The following CPNE8 variants were observed in gnomAD, a reference collection of about 807,000 sequenced individuals.
CPNE8 encodes copine-8.
Under a neutral mutation model 81.5 loss-of-function variants are expected in CPNE8, and 45 were observed. The observed-to-expected ratio is 0.55, with a 90% CI of 0.44 to 0.71. The LOEUF (loss-of-function observed/expected upper bound fraction) is 0.71. Ranked by LOEUF, CPNE8 falls within the 30% of genes least tolerant of loss-of-function variation. The probability of loss-of-function intolerance (pLI) is 0.00; values close to 1 mark genes in which losing one functional copy is unlikely to be tolerated. For missense variants in CPNE8, 594 were observed against 672.1 expected (o/e 0.88, Z 1.28); for synonymous variants, 252 against 226.3 (o/e 1.11, Z -1.02).
intron 14 of CPNE8, 79 bp downstream of exon 14, chr12:38,702,796 A>T: frequency 1.2e-6 from 1 of 846,484 alleles, no homozygotes; most frequent in Non-Finnish European, 1.8e-6. Flanking sequence ...ATAGAAATAA[A>T]TTAACACTTA....
chr12:38,762,941 C>T lies in CPNE8; in HGVS notation c.576-725G>A, dbSNP rs137870902. On this transcript the variant is annotated intron_variant, in intron 8 of 19. Transcript: ENST00000331366. ...CGGCGTGATCTTGGCTCACTGCAAC[C>T]TCTGCCGCCCGGGTTCATGCAATCC... is the stretch of plus-strand genomic sequence containing the variant. Among the ~76,000 whole-genome samples the T allele has an allele frequency of 6.7e-3, 1,021 of 152,306 alleles. 7 individuals are homozygous for T. Among genetic ancestry groups the T allele is most frequent in the Middle Eastern group, 0.017 (5 of 294 alleles).
intron 6 of CPNE8, among the ~76,000 whole-genome samples, chr12:38,794,921 A>C (rs1409334366): frequency 1.3e-5 from 2 of 152,150 alleles, no homozygotes; most frequent in Non-Finnish European, 2.9e-5. Context: ...CATCCAATCA[A>C]TTGTCAGTAT....
rs115416132 is a variant in CPNE8, at chr12:38,701,243, C to T, written c.961+1632G>A. Among the ~76,000 whole-genome samples the T allele has an allele frequency of 5.3e-3, 807 of 152,164 alleles. 5 individuals are homozygous for T. Among genetic ancestry groups the T allele is most frequent in the African/African-American group, 0.018 (765 of 41,518 alleles). The stretch of plus-strand genomic sequence containing the variant: ...GAATTTACCAGTGAAGCTATCTGGC[C>T]CTGGGTTCAGATTAACTTTGTGGGT... On this transcript the variant is annotated intron_variant, in intron 14 of 19. Transcript: ENST00000331366.
At chr12:38,806,089 T>G (rs540745161) in intron 6 of CPNE8, among the ~76,000 whole-genome samples, 87 of 150,284 alleles carry the variant, frequency 5.8e-4, no homozygotes, top group African/African-American at 2.1e-3. Flanking sequence ...AATAACAGGC[T>G]CTGAAATTGT....
chr12:38,753,182 T>TG (rs1203867612), intron 10 of CPNE8, among the ~76,000 whole-genome samples: 1 of 152,168 alleles, frequency 6.6e-6, no homozygotes, highest in Non-Finnish European at 1.5e-5. Context: ...CAGGGTGTAG[T>TG]GGCTCATGCC....
At chr12:38,690,743 T>C (rs1939656054) in intron 15 of CPNE8, among the ~76,000 whole-genome samples, 1 of 151,946 alleles carries the variant, frequency 6.6e-6, no homozygotes, top group South Asian at 2.1e-4. Context: ...GGAGAGAAAA[T>C]TAATAAACCT....
chr12:38,850,406 A>G (rs1198307378), intron 3 of CPNE8, among the ~76,000 whole-genome samples: 2 of 152,166 alleles, frequency 1.3e-5, no homozygotes, highest in African/African-American at 4.8e-5. Context: ...CCCAGAGCCT[A>G]TTAGCCCTTA....
intron 3 of CPNE8, among the ~76,000 whole-genome samples, chr12:38,862,967 C>A (rs913532244): frequency 6.6e-5 from 10 of 151,616 alleles, no homozygotes; most frequent in African/African-American, 9.7e-5. Flanking sequence ...AATAAAAGAT[C>A]AAATTAAACC....
At chr12:38,668,946 CGA>C (rs1336588560) in intron 19 of CPNE8, among the ~76,000 whole-genome samples, 2 of 151,852 alleles carry the variant, frequency 1.3e-5, no homozygotes, top group Admixed American at 1.3e-4. Context: ...CCCAGCTACT[CGA>C]GAGGCTGAGG....
At chr12:38,738,832 G>A (rs1442191745) in intron 10 of CPNE8, among the ~76,000 whole-genome samples, 3 of 42,586 alleles carry the variant, frequency 7.0e-5, no homozygotes. Flanking sequence ...TTTTTTTTTT[G>A]AGACAGGGTC....
intron 19 of CPNE8, among the ~76,000 whole-genome samples, chr12:38,665,997 T>C (rs1038398186): frequency 6.6e-6 from 1 of 152,178 alleles, no homozygotes; most frequent in Admixed American, 6.5e-5. Flanking sequence ...TAATAACGCA[T>C]TTATTGAGCA....
At chr12:38,790,067 C>T (rs898176626) in intron 6 of CPNE8, among the ~76,000 whole-genome samples, 48 of 151,632 alleles carry the variant, frequency 3.2e-4, no homozygotes, top group African/African-American at 9.2e-4. Flanking sequence ...ATAGAGCTAT[C>T]GTAAGATCCA....
intron 6 of CPNE8, among the ~76,000 whole-genome samples, chr12:38,806,015 A>C (rs1483106899): frequency 8.0e-5 from 12 of 149,998 alleles, no homozygotes; most frequent in East Asian, 2.2e-4. Context: ...GAAATGGATA[A>C]ATTCCTTGAC....
At chr12:38,874,399 C>G in intron 2 of CPNE8, 72 bp downstream of exon 2, 2 of 1,135,642 alleles carry the variant, frequency 1.8e-6, no homozygotes, top group Non-Finnish European at 2.7e-6. Flanking sequence ...AACCTTTAAA[C>G]AAGAACTATG....
intron 6 of CPNE8, among the ~76,000 whole-genome samples, chr12:38,783,987 C>T (rs1328511027): frequency 6.6e-6 from 1 of 152,108 alleles, no homozygotes; most frequent in African/African-American, 2.4e-5. Flanking sequence ...GTATCAAGAC[C>T]ATTAGGAAAA....
chr12:38,819,493 C>A (rs1232542869), intron 6 of CPNE8, among the ~76,000 whole-genome samples: 1 of 152,080 alleles, frequency 6.6e-6, no homozygotes, highest in African/African-American at 2.4e-5. Flanking sequence ...TAGGGCCGGG[C>A]GCGGTGGCTC....
intron 1 of CPNE8, among the ~76,000 whole-genome samples, chr12:38,900,480 A>G (rs1944445577): frequency 6.6e-6 from 1 of 152,214 alleles, no homozygotes; most frequent in South Asian, 2.1e-4. Context: ...GACATGAAAG[A>G]GACAAAACTT....
chr12:38,890,096 G>T (rs1944291771), intron 1 of CPNE8, among the ~76,000 whole-genome samples: 2 of 152,138 alleles, frequency 1.3e-5, no homozygotes, highest in Non-Finnish European at 2.9e-5. Flanking sequence ...GCTGGAAATT[G>T]TTCATCAATC....
intron 3 of CPNE8, among the ~76,000 whole-genome samples, chr12:38,861,816 A>AT (rs1198473100): frequency 2.6e-5 from 4 of 152,258 alleles, no homozygotes; most frequent in Admixed American, 6.5e-5. Context: ...CTAAAGATTG[A>AT]TTTTTATAAA....
Sources: gnomAD v4.1 joint callset for allele counts (sites outside exome capture counted in the v4.1 genomes callset) on GRCh38, gnomAD v4.1.1 for gene constraint, MANE v1.5 for transcripts, NCBI Gene and HGNC (gene_info 2026-07-23, HGNC 2026-07-21) for gene names.